Variants in PDE4DIP observed in about 807,000 individuals in gnomAD.
PDE4DIP encodes phosphodiesterase 4D interacting protein, also known as myomegalin.
A neutral mutation model predicts 221.4 loss-of-function variants in PDE4DIP; 59 were observed. That is an observed-to-expected ratio of 0.27 (90% CI 0.22 to 0.33). PDE4DIP has a LOEUF of 0.33. PDE4DIP is among the 10% of genes least tolerant of loss of function. The pLI is 1.00. For synonymous variants in PDE4DIP, 404 were observed against 815.9 expected (o/e 0.50, Z 8.60); for missense variants, 1,036 against 2,154.2 (o/e 0.48, Z 10.28).
chr1:148,989,662 A>G (rs1327921129), intron 21 of PDE4DIP, among the ~76,000 whole-genome samples: 10 of 152,128 alleles, frequency 6.6e-5, no homozygotes, highest in African/African-American at 2.4e-4. Context: ...TTCTTCAACT[A>G]CAGGATCCTT....
intron 1 of PDE4DIP, among the ~76,000 whole-genome samples, chr1:148,915,134 T>TTTTGTTTG (rs58167922): frequency 0.043 from 6,415 of 147,962 alleles, 5 homozygotes; most frequent in Middle Eastern, 0.11. Context: ...CTTCTGGTTT[T>TTTTGTTTG]TTTGTTTGTT....
chr1:148,929,725 A>G, intron 2 of PDE4DIP: 1 of 154,288 alleles, frequency 6.5e-6, no homozygotes, highest in East Asian at 1.9e-4. Context: ...ATAATAAAAA[A>G]GGAGGATTTC....
chr1:149,019,458 T>C (rs1553615575), intron 35 of PDE4DIP: 3 of 151,710 alleles, frequency 2.0e-5, no homozygotes, highest in African/African-American at 7.3e-5. Flanking sequence ...GCCACCCAAA[T>C]TAATTAATTT....
At chr1:148,919,504 T>C (rs1553460751) in intron 1 of PDE4DIP, among the ~76,000 whole-genome samples, 1 of 151,582 alleles carries the variant, frequency 6.6e-6, no homozygotes, top group African/African-American at 2.4e-5. Flanking sequence ...ACCAGTCCTT[T>C]GTCTTTTGGT....
At chr1:148,948,263 GAAGT>G (rs1261297434) in intron 5 of PDE4DIP, among the ~76,000 whole-genome samples, 1 of 151,914 alleles carries the variant, frequency 6.6e-6, no homozygotes, top group Non-Finnish European at 1.5e-5. Flanking sequence ...CTACGTTTTA[GAAGT>G]AATAATTTTA....
intron 23 of PDE4DIP, among the ~76,000 whole-genome samples, chr1:148,999,747 A>G (rs1470837291): frequency 1.2e-4 from 19 of 152,018 alleles, no homozygotes; most frequent in Non-Finnish European, 2.8e-4. Flanking sequence ...CAAACCATCT[A>G]TAGCTATCCC....
intron 1 of PDE4DIP, among the ~76,000 whole-genome samples, chr1:148,821,341 C>G (rs1669193103): frequency 6.7e-6 from 1 of 149,156 alleles, no homozygotes; most frequent in Non-Finnish European, 1.5e-5. Context: ...TAGCTGGAGT[C>G]TGTTCACTGA....
chr1:148,950,451 A>G (rs1475240091), intron 5 of PDE4DIP, among the ~76,000 whole-genome samples: 1 of 152,308 alleles, frequency 6.6e-6, no homozygotes, highest in African/African-American at 2.4e-5. Context: ...GCAAAATTCT[A>G]TAGCCTATGA....
chr1:149,022,934 G>C (rs1416403146), intron 37 of PDE4DIP, among the ~76,000 whole-genome samples: 1 of 152,160 alleles, frequency 6.6e-6, no homozygotes, highest in African/African-American at 2.4e-5. Context: ...AGATGAAAGG[G>C]TATAGATAGA....
Position 149,029,959 on chromosome 1 carries a change from A to G in PDE4DIP, c.6952+34A>G, listed in dbSNP as rs113477631. On this transcript the variant is annotated intron_variant, in intron 42 of 43. Coordinates refer to ENST00000369354, the Ensembl canonical transcript of PDE4DIP. ...CCTGAGAGGGAATGGGGGAAGAAACAGGCAGTCTTCCCGATGCCCCACTTG... is the reference window on the plus strand; with the variant it reads ...CCTGAGAGGGAATGGGGGAAGAAACGGGCAGTCTTCCCGATGCCCCACTTG... 5.0e-3 allele frequency: 5,053 copies of G among 1,000,816 alleles called. 31 individuals are homozygous for G. Among genetic ancestry groups the G allele is most frequent in the East Asian group, 0.02 (811 of 41,080 alleles). 62.0% of individuals were successfully genotyped at this position (1,000,816 alleles called of 1,614,324 possible). A position where few individuals can be genotyped will look rare whatever the true frequency, so the allele number is the denominator to read the frequency against.
At chr1:148,911,374 TG>T (rs1553454297) in intron 1 of PDE4DIP, among the ~76,000 whole-genome samples, 1 of 52,178 alleles carries the variant, frequency 1.9e-5, no homozygotes, top group African/African-American at 1.0e-4. Context: ...CTCCGCAACA[TG>T]CAAGTTACCC....
At chr1:148,975,088 T>C (rs1370385763) in intron 17 of PDE4DIP, among the ~76,000 whole-genome samples, 2 of 143,782 alleles carry the variant, frequency 1.4e-5, no homozygotes, top group East Asian at 5.9e-4. Context: ...GGAGAATCAC[T>C]TGAACCCGGG....
intron 5 of PDE4DIP, among the ~76,000 whole-genome samples, chr1:148,954,094 C>CACAATCCTTTTTT (rs1553498966): frequency 2.0e-5 from 3 of 152,314 alleles, no homozygotes; most frequent in African/African-American, 7.2e-5. Context: ...ATTTGATTTT[C>CACAATCCTTTTTT]ACAATCCTTT....
At chr1:149,020,031 A>C (rs1198148201) in intron 35 of PDE4DIP, 116 bp from the exon 39 acceptor site, 1 of 592,994 alleles carries the variant, frequency 1.7e-6, no homozygotes, top group African/African-American at 1.9e-5. Flanking sequence ...CCACCAACAT[A>C]GGGCCTTCCT....
At position 148,975,225 on chromosome 1, in the gene PDE4DIP, C is replaced by T. The variant is rs587656190; in HGVS notation, c.2319+620C>T. Among the ~76,000 whole-genome samples the T allele has an allele frequency of 6.4e-3, 925 of 145,096 alleles. 37 individuals carry two copies. The highest frequency in any genetic ancestry group is 0.022 in the African/African-American group (842 of 37,558). ...GTAAAGCACTGGTGAAAAAAGGAAGCGCTGTGTGATTGCTGCTTAGAGTTA... is the reference window on the plus strand; with the variant it reads ...GTAAAGCACTGGTGAAAAAAGGAAGTGCTGTGTGATTGCTGCTTAGAGTTA... On this transcript the variant is annotated intron_variant, in intron 17 of 43. Coordinates refer to ENST00000369354, the Ensembl canonical transcript of PDE4DIP.
intron 1 of PDE4DIP, among the ~76,000 whole-genome samples, chr1:148,820,597 C>T (rs1307167018): frequency 3.1e-5 from 4 of 131,132 alleles, no homozygotes; most frequent in African/African-American, 1.1e-4. Flanking sequence ...AAGTAGTTGT[C>T]TTCTAGATGA....
At chr1:148,971,547 T>C (rs1401531681) in intron 14 of PDE4DIP, among the ~76,000 whole-genome samples, 7 of 152,224 alleles carry the variant, frequency 4.6e-5, no homozygotes, top group Non-Finnish European at 7.3e-5. Context: ...TTGCCACAAA[T>C]TAACACATCC....
intron 30 of PDE4DIP, 87 bp from the exon 34 acceptor site, chr1:149,010,356 G>A: frequency 1.7e-6 from 2 of 1,148,418 alleles, no homozygotes; most frequent in Non-Finnish European, 2.6e-6. Flanking sequence ...CAAGACTCTA[G>A]CCCTGGTACC....
intron 31 of PDE4DIP, 83 bp downstream of exon 34, chr1:149,010,678 G>A (rs1610833): frequency 7.4e-7 from 1 of 1,344,456 alleles, no homozygotes; most frequent in Non-Finnish European, 1.0e-6. Flanking sequence ...CAGAGGTTTG[G>A]ACTGTTAGGG....
Sources: gnomAD v4.1 joint callset for allele counts (sites outside exome capture counted in the v4.1 genomes callset) on GRCh38, gnomAD v4.1.1 for gene constraint, MANE v1.5 for transcripts, NCBI Gene and HGNC (gene_info 2026-07-23, HGNC 2026-07-21) for gene names.